Variants in EFHB observed in about 807,000 individuals in gnomAD.
The protein encoded by EFHB is EF-hand domain family member B.
A neutral mutation model predicts 87.2 loss-of-function variants in EFHB; 91 were observed. That is an observed-to-expected ratio of 1.04 (90% CI 0.88 to 1.24). The LOEUF (loss-of-function observed/expected upper bound fraction) is 1.24, where lower values mean the gene tolerates loss of function less well. Among genes scored for constraint, EFHB ranks in the 50% most tolerant of loss-of-function variants. EFHB has a pLI of 0.00. For synonymous variants in EFHB, 325 were observed against 333.6 expected (o/e 0.97, Z 0.28); for missense variants, 1,084 against 998.8 (o/e 1.09, Z -1.15).
intron 6 of EFHB, among the ~76,000 whole-genome samples, chr3:19,901,572 CG>C (rs961398074): frequency 6.6e-5 from 10 of 151,948 alleles, no homozygotes; most frequent in African/African-American, 1.2e-4. Flanking sequence ...CATTTGTTGG[CG>C]GGGGGGAAGA....
chr3:19,919,217 G>C (rs978459386), intron 3 of EFHB, among the ~76,000 whole-genome samples: 1 of 151,848 alleles, frequency 6.6e-6, no homozygotes, highest in African/African-American at 2.4e-5. Context: ...TTGTTTTTGA[G>C]ATGGAGTTTC....
At chr3:19,896,875 T>C in intron 8 of EFHB, 34 bp from the exon 9 acceptor site, 1 of 1,521,806 alleles carries the variant, frequency 6.6e-7, no homozygotes, top group Non-Finnish European at 8.8e-7. Context: ...TTACATAAAT[T>C]TAAAGTCTTT....
At chr3:19,936,008 CAAAAAAA>C (rs751728589), upstream of EFHB, 19 of 546,894 alleles carry the variant, frequency 3.5e-5, no homozygotes, top group South Asian at 1.8e-4. Context: ...GACTCCATCT[CAAAAAAA>C]AAAAAAAAAA....
chr3:19,908,503 A>G (rs1462123405), intron 5 of EFHB, among the ~76,000 whole-genome samples: 1 of 151,500 alleles, frequency 6.6e-6, no homozygotes, highest in Admixed American at 6.6e-5. Context: ...ACTTCACTCC[A>G]GCCTGGACGA....
chr3:19,883,174 T>A (rs1574987478), intron 11 of EFHB, among the ~76,000 whole-genome samples: 2 of 152,024 alleles, frequency 1.3e-5, no homozygotes, highest in African/African-American at 2.4e-5. Flanking sequence ...CTAATTTTTG[T>A]ATTTTTTGCA....
intron 6 of EFHB, 115 bp from the exon 7 acceptor site, chr3:19,899,630 G>A: frequency 8.3e-6 from 5 of 602,752 alleles, no homozygotes; most frequent in Non-Finnish European, 1.3e-5. Flanking sequence ...AACAAATGTA[G>A]TTTCAAAAGA....
At chr3:19,925,628 G>A (rs1042169179) in intron 1 of EFHB, among the ~76,000 whole-genome samples, 1 of 152,034 alleles carries the variant, frequency 6.6e-6, no homozygotes, top group African/African-American at 2.4e-5. Flanking sequence ...TAACAACACC[G>A]GAGACACCTT....
At chr3:19,906,108 G>A (rs1387426106) in intron 5 of EFHB, among the ~76,000 whole-genome samples, 2 of 152,262 alleles carry the variant, frequency 1.3e-5, no homozygotes, top group East Asian at 1.9e-4. Context: ...ATCACTTGAG[G>A]CCAGGAGTTC....
At chr3:19,892,061 T>A (rs1474906034) in intron 9 of EFHB, among the ~76,000 whole-genome samples, 1 of 152,202 alleles carries the variant, frequency 6.6e-6, no homozygotes, top group Admixed American at 6.5e-5. Context: ...TTGACACTTA[T>A]TCAAGTTATG....
chr3:19,890,057 C>A (rs529564149), intron 9 of EFHB, among the ~76,000 whole-genome samples: 4 of 152,070 alleles, frequency 2.6e-5, no homozygotes, highest in East Asian at 1.9e-4. Flanking sequence ...AAAAGCAATG[C>A]GGGATGTGGC....
chr3:19,885,879 G>T (rs978256250), intron 10 of EFHB, among the ~76,000 whole-genome samples: 3 of 152,128 alleles, frequency 2.0e-5, no homozygotes, highest in African/African-American at 7.2e-5. Context: ...CAAAAAATTG[G>T]AAGATTACTT....
intron 10 of EFHB, among the ~76,000 whole-genome samples, chr3:19,885,755 A>G (rs1476823601): frequency 6.6e-6 from 1 of 152,052 alleles, no homozygotes; most frequent in Non-Finnish European, 1.5e-5. Context: ...CTCTCCCCAC[A>G]CTCAGTTCCT....
chr3:19,935,139 G>A (rs1279125575), upstream of EFHB, among the ~76,000 whole-genome samples: 2 of 152,084 alleles, frequency 1.3e-5, no homozygotes, highest in African/African-American at 2.4e-5. Context: ...TCAAACACCT[G>A]ACCTCAAGTG....
chr3:19,882,055 A>ATAAATAAATAAATAAT (rs1553627426), intron 12 of EFHB, among the ~76,000 whole-genome samples: 5 of 140,212 alleles, frequency 3.6e-5, no homozygotes, highest in South Asian at 2.2e-4. Context: ...AAATAAATAA[A>ATAAATAAATAAATAAT]TAAATAATTA....
In EFHB at chr3:19,934,123, C is replaced by A; in HGVS notation, c.-105G>T. 6.8e-7 allele frequency: 1 copy of A among 1,464,330 alleles called. No homozygotes were observed. 90.7% of individuals were successfully genotyped at this position (1,464,330 alleles called of 1,614,324 possible). On this transcript the variant is annotated 5_prime_UTR_variant, in exon 1 of 13. Transcript: ENST00000295824. ...CCAATCCCTTGCGGAACCCCTCTCT[C>A]AGGAAAGAGCACAACCTCACTCGGA... is the stretch of plus-strand genomic sequence containing the variant.
intron 9 of EFHB, chr3:19,895,009 A>ATATATATATATATATATATAT (rs34879409): frequency 1.5e-5 from 2 of 137,666 alleles, no homozygotes; most frequent in African/African-American, 5.6e-5. Context: ...TGTATATATA[A>ATATATATATATATATATATAT]AAATATATAG....
chr3:19,936,966 C>T (rs6786898), upstream of EFHB, among the ~76,000 whole-genome samples: 1,664 of 151,552 alleles, frequency 0.011, 28 homozygotes, highest in African/African-American at 0.038. Flanking sequence ...CACTTGAGTT[C>T]GAGACCAGCC....
intron 12 of EFHB, 128 bp downstream of exon 12, chr3:19,882,422 C>A: frequency 1.2e-6 from 1 of 841,560 alleles, no homozygotes; most frequent in East Asian, 2.8e-5. Context: ...GAGGATTATT[C>A]ATCAAGAATC....
chr3:19,915,615 C>A (rs1277712758), intron 4 of EFHB, among the ~76,000 whole-genome samples: 1 of 152,066 alleles, frequency 6.6e-6, no homozygotes, highest in East Asian at 1.9e-4. Context: ...TAAGTCAGAG[C>A]ATATTAGAAC....
Sources: gnomAD v4.1 joint callset for allele counts (sites outside exome capture counted in the v4.1 genomes callset) on GRCh38, gnomAD v4.1.1 for gene constraint, MANE v1.5 for transcripts, NCBI Gene and HGNC (gene_info 2026-07-23, HGNC 2026-07-21) for gene names.